The following ITGB6 variants were observed in gnomAD, a reference collection of about 807,000 sequenced individuals.
ITGB6 encodes integrin beta-6.
Under a neutral mutation model 84.5 loss-of-function variants are expected in ITGB6, and 80 were observed. The ratio of observed to expected loss-of-function variants is 0.95; its 90% CI spans 0.79 to 1.14. ITGB6 has a LOEUF of 1.14. Among genes scored for constraint, ITGB6 ranks in the 50% most tolerant of loss-of-function variants. The pLI is 0.00. For missense variants in ITGB6, 1,006 were observed against 968.0 expected, an observed-to-expected ratio of 1.04 and a Z score of -0.52; for synonymous variants, 383 against 354.9, an observed-to-expected ratio of 1.08 and a Z score of -0.89.
chr2:160,194,976 G>A (rs1410221412), intron 4 of ITGB6, among the ~76,000 whole-genome samples: 1 of 152,154 alleles, frequency 6.6e-6, no homozygotes, highest in Non-Finnish European at 1.5e-5. Context: ...GAAAGACTCT[G>A]GGAAAGTGAA....
At chr2:160,111,475 C>G (rs1682509692) in intron 13 of ITGB6, among the ~76,000 whole-genome samples, 1 of 152,080 alleles carries the variant, frequency 6.6e-6, no homozygotes, top group African/African-American at 2.4e-5. Flanking sequence ...AGTTGATTTA[C>G]ATGAGATTTT....
In ITGB6 at chr2:160,172,651, C is replaced by T; in HGVS notation, c.839G>A (p.Ser280Asn). The T allele has an allele frequency of 6.2e-7, 1 of 1,612,006 alleles. No individual in the cohort carries two copies. The highest frequency in any genetic ancestry group is 8.5e-7 in the Non-Finnish European group (1 of 1,178,208). The change falls in exon 6 of 15, where the codon AGC (serine) becomes AAC (asparagine). Residue 280 changes from serine (S) to asparagine (N), a missense_variant. Physicochemically the swap from Ser to Asn is conservative, Grantham distance 46. Coordinates refer to ENST00000283249, the MANE Select transcript of ITGB6 (RefSeq NM_000888.5). The part of the protein sequence containing the change: ...SDADSHFGMD[S>N]KLAGIVIPND... ...AGGAATGACGATGCCTGCTAGTTTG[C>T]TGTCCATTCCAAAATGAGAATCAGC... is the stretch of plus-strand genomic sequence containing the variant.
intron 8 of ITGB6, among the ~76,000 whole-genome samples, chr2:160,140,120 T>C: frequency 6.6e-6 from 1 of 152,330 alleles, no homozygotes; most frequent in East Asian, 1.9e-4. Context: ...TGTGTTCCCA[T>C]ATTTTAAATT....
At chr2:160,156,445 C>G (rs957975148) in intron 7 of ITGB6, among the ~76,000 whole-genome samples, 1 of 152,176 alleles carries the variant, frequency 6.6e-6, no homozygotes, top group Middle Eastern at 3.2e-3. Flanking sequence ...AAACCCAAGG[C>G]TCTCGAAGAG....
At chr2:160,109,390 C>A (rs1049829776) in intron 13 of ITGB6, among the ~76,000 whole-genome samples, 2 of 152,316 alleles carry the variant, frequency 1.3e-5, no homozygotes, top group Non-Finnish European at 2.9e-5. Context: ...ATACTGGCTA[C>A]ATCTTTGGCT....
intron 14 of ITGB6, 63 bp downstream of exon 14, chr2:160,107,616 C>G: frequency 6.7e-7 from 1 of 1,489,798 alleles, no homozygotes; most frequent in Non-Finnish European, 9.3e-7. Context: ...AGCTGAGCCC[C>G]TCAATCTCTT....
intron 7 of ITGB6, among the ~76,000 whole-genome samples, chr2:160,159,198 ATACAC>A (rs747888490): frequency 8.5e-5 from 13 of 152,108 alleles, no homozygotes; most frequent in Non-Finnish European, 1.8e-4. Flanking sequence ...GGTTGATTGG[ATACAC>A]CAGTTAAAAA....
At chr2:160,166,141 A>T (rs1331004873) in intron 7 of ITGB6, among the ~76,000 whole-genome samples, 2 of 152,218 alleles carry the variant, frequency 1.3e-5, no homozygotes, top group Admixed American at 1.3e-4. Flanking sequence ...CTTTGGCTGC[A>T]TAAAAACCTG....
At chr2:160,183,599 A>G (rs565955348) in intron 4 of ITGB6, among the ~76,000 whole-genome samples, 9 of 152,320 alleles carry the variant, frequency 5.9e-5, no homozygotes, top group South Asian at 2.1e-4. Flanking sequence ...AAAATATACA[A>G]GGATATTCAG....
intron 13 of ITGB6, among the ~76,000 whole-genome samples, chr2:160,111,713 G>A (rs1012153942): frequency 6.6e-6 from 1 of 150,724 alleles, no homozygotes; most frequent in Admixed American, 6.7e-5. Flanking sequence ...CCAAGTAGCT[G>A]GGATTATAGG....
At chr2:160,135,927 A>G (rs138686724) in intron 10 of ITGB6, among the ~76,000 whole-genome samples, 101,576 of 151,962 alleles carry the variant, frequency 0.67, 34,333 homozygotes, top group Admixed American at 0.74. Context: ...AGATTTAAAT[A>G]TTAGACCTAA....
chr2:160,125,460 A>T (rs1286330387), intron 11 of ITGB6, among the ~76,000 whole-genome samples: 1 of 152,246 alleles, frequency 6.6e-6, no homozygotes, highest in Non-Finnish European at 1.5e-5. Flanking sequence ...ATTTTCCATT[A>T]GATCCTATTC....
intron 8 of ITGB6, among the ~76,000 whole-genome samples, chr2:160,140,744 C>CAAACA (rs765941723): frequency 5.3e-5 from 8 of 152,108 alleles, no homozygotes; most frequent in Non-Finnish European, 8.8e-5. Flanking sequence ...ATCAGTAAAA[C>CAAACA]AAACAAAACA....
intron 4 of ITGB6, among the ~76,000 whole-genome samples, chr2:160,189,566 A>G (rs1271838620): frequency 6.6e-6 from 1 of 152,266 alleles, no homozygotes; most frequent in Non-Finnish European, 1.5e-5. Context: ...CACTTGTCAA[A>G]AGAAGACATT....
intron 3 of ITGB6, 24 bp downstream of exon 3, chr2:160,196,192 T>C (rs760498023): frequency 1.3e-6 from 2 of 1,599,504 alleles, no homozygotes; most frequent in South Asian, 2.2e-5. Context: ...TAGATCTATT[T>C]ACATGAGCCA....
chr2:160,177,037 C>CA (rs963732774), intron 4 of ITGB6, among the ~76,000 whole-genome samples: 21 of 151,980 alleles, frequency 1.4e-4, no homozygotes, highest in African/African-American at 4.8e-4. Flanking sequence ...CAAACTCTTC[C>CA]AAAAAAGTTT....
intron 6 of ITGB6, among the ~76,000 whole-genome samples, chr2:160,171,858 G>A (rs558824097): frequency 6.6e-6 from 1 of 152,312 alleles, no homozygotes; most frequent in Non-Finnish European, 1.5e-5. Flanking sequence ...CTCTCTGGGG[G>A]CAGTAATGAC....
chr2:160,107,693 C>G lies in ITGB6; in HGVS notation c.2254G>C (p.Ala752Pro). 1.2e-6 allele frequency: 2 copies of G among 1,613,990 alleles called. No homozygotes were observed. The change falls in exon 14 of 15, where the codon GCC becomes CCC. Residue 752 changes from alanine (A) to proline (P), a missense_variant. By Grantham distance (27) the Ala-to-Pro change is conservative (BLOSUM62 -1). Transcript: ENST00000283249. ...TTTCCACATACCGTTTGCCACTTGG[C>G]TTTTGATCGTTCTGCTTCAAATTTG... Reference protein sequence around the residue: ...VAKFEAERSKAKWQTGTNPLY... With the variant: ...VAKFEAERSKPKWQTGTNPLY...
At chr2:160,117,248 A>G (rs1455162780) in intron 12 of ITGB6, among the ~76,000 whole-genome samples, 1 of 152,042 alleles carries the variant, frequency 6.6e-6, no homozygotes, top group Non-Finnish European at 1.5e-5. Context: ...TTCCAAAAGT[A>G]ACCACATAGT....
Sources: allele counts gnomAD v4.1 joint callset (sites outside exome capture counted in the v4.1 genomes callset), GRCh38; gene constraint gnomAD v4.1.1; transcripts MANE v1.5; gene names NCBI Gene and HGNC (gene_info 2026-07-23, HGNC 2026-07-21).